Variants in ARID5B observed in about 807,000 individuals in gnomAD.
The protein encoded by ARID5B is AT-rich interactive domain-containing protein 5B.
A neutral mutation model predicts 97.2 loss-of-function variants in ARID5B; 13 were observed. The observed-to-expected ratio is 0.13, with a 90% CI of 0.09 to 0.21. The LOEUF is 0.21. ARID5B is among the 10% of genes least tolerant of loss of function. The pLI is 1.00. For missense variants in ARID5B, 1,210 were observed against 1,465.3 expected (o/e 0.83, Z 2.84); for synonymous variants, 556 against 570.3 (o/e 0.97, Z 0.36).
At chr10:62,034,826 C>T (rs970097899) in intron 4 of ARID5B, among the ~76,000 whole-genome samples, 1 of 152,216 alleles carries the variant, frequency 6.6e-6, no homozygotes, top group Admixed American at 6.5e-5. Context: ...AGACTTTCAT[C>T]GGTAGGCACA....
chr10:61,965,170 C>T (rs1269634202), intron 3 of ARID5B, among the ~76,000 whole-genome samples: 2 of 152,140 alleles, frequency 1.3e-5, no homozygotes, highest in Non-Finnish European at 2.9e-5. Flanking sequence ...TTAGCTGTTA[C>T]AGTCCAAAGG....
chr10:61,985,156 C>T (rs1294740842), intron 3 of ARID5B, among the ~76,000 whole-genome samples: 1 of 151,890 alleles, frequency 6.6e-6, no homozygotes, highest in South Asian at 2.1e-4. Context: ...TTTCTTCACT[C>T]TCTTTGCTAC....
At chr10:61,929,100 G>C (rs953551673) in intron 2 of ARID5B, among the ~76,000 whole-genome samples, 1 of 152,216 alleles carries the variant, frequency 6.6e-6, no homozygotes, top group South Asian at 2.1e-4. Flanking sequence ...CTGTCTAAAA[G>C]TTGACTCTTA....
At chr10:61,902,127 T>G (rs532174053) in intron 1 of ARID5B, 32 bp from the exon 2 acceptor site, 1 of 1,609,866 alleles carries the variant, frequency 6.2e-7, no homozygotes, top group African/African-American at 1.3e-5. Flanking sequence ...ATGGCTACAT[T>G]ATTTATTTGG....
intron 3 of ARID5B, among the ~76,000 whole-genome samples, chr10:61,982,750 G>A (rs1054447714): frequency 2.0e-4 from 31 of 152,162 alleles, no homozygotes; most frequent in African/African-American, 7.2e-4. Context: ...AGGGTATTTG[G>A]CTGGCCTTGG....
At chr10:62,085,927 C>T in intron 9 of ARID5B, 27 bp downstream of exon 9, 1 of 1,597,978 alleles carries the variant, frequency 6.3e-7, no homozygotes, top group Non-Finnish European at 8.5e-7. Context: ...CATAGAAATA[C>T]CTCTGGAAGA....
intron 8 of ARID5B, among the ~76,000 whole-genome samples, chr10:62,077,952 G>A (rs1357678875): frequency 6.6e-6 from 1 of 152,158 alleles, no homozygotes; most frequent in African/African-American, 2.4e-5. Context: ...GAATGTAATT[G>A]TTTACCATTA....
intron 3 of ARID5B, among the ~76,000 whole-genome samples, chr10:61,949,372 C>T (rs776595262): frequency 7.2e-5 from 11 of 152,194 alleles, no homozygotes; most frequent in South Asian, 2.1e-4. Flanking sequence ...CACGGTGGCT[C>T]ACGCCTATAA....
intron 7 of ARID5B, among the ~76,000 whole-genome samples, chr10:62,063,048 A>G (rs909794534): frequency 9.9e-5 from 15 of 152,256 alleles, no homozygotes; most frequent in African/African-American, 3.1e-4. Flanking sequence ...ATTTGGGGCA[A>G]TGTTTTGGGG....
intron 6 of ARID5B, 110 bp from the exon 7 acceptor site, chr10:62,059,133 T>C: frequency 1.2e-6 from 1 of 847,654 alleles, no homozygotes; most frequent in Admixed American, 2.6e-5. Context: ...TGGGGTACTT[T>C]AGTATTTCTT....
chr10:62,091,572 C>T lies in ARID5B; in HGVS notation c.2109C>T (p.Ser703=), dbSNP rs748570548. The T allele has an allele frequency of 3.1e-6, 5 of 1,612,454 alleles. No individual in the cohort carries two copies. The highest frequency in any genetic ancestry group is 2.2e-5 in the South Asian group (2 of 90,728). The change falls in exon 10 of 10, where the codon AGC becomes AGT. Residue 703 remains serine, a synonymous_variant. Transcript: ENST00000279873. ...KKLLSQVSGA[S]LSSSYPYGSP... is the part of the protein sequence containing the mutation. ...TTTTGTCCCAAGTGAGTGGGGCCAG[C>T]CTCTCCAGCAGCTACCCTTATGGCT...
chr10:61,965,195 T>C (rs899026175), intron 3 of ARID5B, among the ~76,000 whole-genome samples: 1 of 152,194 alleles, frequency 6.6e-6, no homozygotes, highest in Non-Finnish European at 1.5e-5. Flanking sequence ...GGGTATTTTT[T>C]TTATAGTTTT....
At chr10:61,988,791 C>G (rs938078383) in intron 3 of ARID5B, among the ~76,000 whole-genome samples, 1 of 152,168 alleles carries the variant, frequency 6.6e-6, no homozygotes, top group Non-Finnish European at 1.5e-5. Context: ...AAGGTAGCCA[C>G]TAGCCACCTG....
At chr10:61,992,330 G>A (rs1044254307) in intron 3 of ARID5B, among the ~76,000 whole-genome samples, 7 of 152,198 alleles carry the variant, frequency 4.6e-5, no homozygotes, top group African/African-American at 1.7e-4. Flanking sequence ...CTTGGAGGTG[G>A]AGTTGGCTTT....
intron 2 of ARID5B, among the ~76,000 whole-genome samples, chr10:61,910,349 A>C (rs1041412428): frequency 2.0e-5 from 3 of 152,202 alleles, no homozygotes; most frequent in Non-Finnish European, 4.4e-5. Context: ...GTCATTTTTT[A>C]TAGCCAGTGT....
intron 3 of ARID5B, among the ~76,000 whole-genome samples, chr10:61,978,559 T>C (rs181163788): frequency 1.0e-3 from 154 of 152,360 alleles, no homozygotes; most frequent in African/African-American, 3.5e-3. Flanking sequence ...GTAGTTCTCC[T>C]TGAAGAGGTC....
In ARID5B at chr10:61,901,726, T is replaced by C. The variant is rs1328574590; in HGVS notation, c.17T>C (p.Leu6Pro). Residue 6 changes from leucine to proline, a missense_variant, in exon 1 of 10, where the codon CTC becomes CCC. Physicochemically the swap from Leu to Pro is moderately conservative, Grantham distance 98. This residue lies in a region of ARID5B where 80 missense variants were observed against 133.2 expected (regional missense o/e 0.60). Transcript: ENST00000279873. ...AACGTCGAGATGGAGCCCAACTCAC[T>C]CCAGGTATTTCGCTCTCCTCCGCTC... MEPNS[L>P]QWVGSPCGLH... 1.1e-5 allele frequency: 18 copies of C among 1,613,644 alleles called. No individual in the cohort carries two copies. Among genetic ancestry groups the C allele is most frequent in the Non-Finnish European group, 1.5e-5 (18 of 1,179,910 alleles).
chr10:61,912,693 C>G (rs1843827430), intron 2 of ARID5B, among the ~76,000 whole-genome samples: 2 of 150,512 alleles, frequency 1.3e-5, no homozygotes. Flanking sequence ...TATGTATACA[C>G]ACATACACAC....
intron 4 of ARID5B, among the ~76,000 whole-genome samples, chr10:62,035,680 C>G (rs576394001): frequency 6.6e-6 from 1 of 151,508 alleles, no homozygotes; most frequent in Non-Finnish European, 1.5e-5. Flanking sequence ...TTAGTAGGGA[C>G]GGGGTTTCAC....
Sources: allele counts gnomAD v4.1 joint callset (sites outside exome capture counted in the v4.1 genomes callset), GRCh38; gene constraint gnomAD v4.1.1; regional missense constraint gnomAD v4.1.1; transcripts MANE v1.5; gene names NCBI Gene and HGNC (gene_info 2026-07-23, HGNC 2026-07-21).